The following TENM2 variants were observed in gnomAD, a reference collection of about 807,000 sequenced individuals.
TENM2 encodes teneurin transmembrane protein 2.
In TENM2, 52 loss-of-function variants were observed where a neutral mutation model predicts 245.2. The observed-to-expected ratio is 0.21, with a 90% CI of 0.17 to 0.27. TENM2 has a LOEUF of 0.27. Ranked by LOEUF, TENM2 falls within the 10% of genes least tolerant of loss-of-function variation. The pLI is 1.00. For missense variants in TENM2, 3,046 were observed against 3,666.8 expected, an observed-to-expected ratio of 0.83 and a Z score of 4.37; for synonymous variants, 1,363 against 1,438.9, an observed-to-expected ratio of 0.95 and a Z score of 1.19.
chr5:167,731,047 G>A (rs982889758), intron 2 of TENM2, among the ~76,000 whole-genome samples: 3 of 150,922 alleles, frequency 2.0e-5, no homozygotes, highest in Admixed American at 6.6e-5. Flanking sequence ...GGATTCTTTT[G>A]ATTGAAACAT....
chr5:167,943,506 A>G (rs1779358131), intron 3 of TENM2, among the ~76,000 whole-genome samples: 1 of 152,170 alleles, frequency 6.6e-6, no homozygotes, highest in South Asian at 2.1e-4. Flanking sequence ...GGCTTTTTTA[A>G]AAAAATAGCC....
the TENM2 span, among the ~76,000 whole-genome samples, chr5:167,132,840 G>T: frequency 5.4e-3 from 821 of 152,322 alleles, 9 homozygotes; most frequent in African/African-American, 0.018. Context: ...TTTCAGGCTT[G>T]CTCTGGGCTG....
In TENM2 at chr5:167,849,094, G is replaced by A. The variant is rs934537878; in HGVS notation, c.503-26892G>A. Reference sequence around the variant, plus strand: ...ATAAAATCAAGGTGTCAACATGACAGCATTTCTTCTGGGGACACCATGGGA... The same window carrying A: ...ATAAAATCAAGGTGTCAACATGACAACATTTCTTCTGGGGACACCATGGGA... On this transcript the variant is annotated intron_variant, in intron 2 of 28. Coordinates refer to ENST00000518659, the Ensembl canonical transcript of TENM2. Among the ~76,000 whole-genome samples the A allele has an allele frequency of 3.3e-5, 5 of 152,144 alleles. No individual in the cohort carries two copies. The South Asian group carries it at 1.0e-3, about 32-fold the overall frequency.
chr5:168,041,381 G>T (rs550117681), intron 5 of TENM2, among the ~76,000 whole-genome samples: 6 of 152,096 alleles, frequency 3.9e-5, no homozygotes, highest in Non-Finnish European at 8.8e-5. Context: ...CAAACAAAAG[G>T]CAAAGCTCCT....
chr5:167,223,289 A>C, the TENM2 span, among the ~76,000 whole-genome samples: 4 of 151,922 alleles, frequency 2.6e-5, no homozygotes, highest in African/African-American at 9.7e-5. Context: ...CCTTCTATCA[A>C]CTTGTTTGTT....
intron 3 of TENM2, among the ~76,000 whole-genome samples, chr5:167,904,272 A>T (rs1775922840): frequency 6.6e-6 from 1 of 152,314 alleles, no homozygotes; most frequent in African/African-American, 2.4e-5. Flanking sequence ...TTAGAGGATC[A>T]TCAGAGCTGC....
intron 12 of TENM2, among the ~76,000 whole-genome samples, chr5:168,161,914 A>T (rs1386835152): frequency 6.6e-6 from 1 of 151,728 alleles, no homozygotes; most frequent in African/African-American, 2.4e-5. Context: ...GAGCACATAT[A>T]TTTTTTCTTC....
the TENM2 span, among the ~76,000 whole-genome samples, chr5:167,242,551 G>C: frequency 6.6e-5 from 10 of 152,048 alleles, no homozygotes; most frequent in Non-Finnish European, 1.3e-4. Flanking sequence ...AACCCCTCCT[G>C]TTCCTCTTCT....
the TENM2 span, among the ~76,000 whole-genome samples, chr5:167,270,386 A>C: frequency 1.2e-4 from 19 of 152,234 alleles, no homozygotes; most frequent in East Asian, 3.7e-3. Context: ...TCCGTCACTA[A>C]TTGAGCATCT....
chr5:168,033,615 T>G (rs900080200), intron 5 of TENM2, among the ~76,000 whole-genome samples: 1 of 152,168 alleles, frequency 6.6e-6, no homozygotes, highest in African/African-American at 2.4e-5. Context: ...TTCATTCAAA[T>G]AAATAGTTCT....
chr5:167,519,485 G>A (rs1424032450), intron 2 of TENM2, among the ~76,000 whole-genome samples: 1 of 152,050 alleles, frequency 6.6e-6, no homozygotes, highest in Non-Finnish European at 1.5e-5. Flanking sequence ...TGGTGCTTAT[G>A]CCAAAACCAT....
chr5:167,364,186 A>G (rs762242913), intron 1 of TENM2, among the ~76,000 whole-genome samples: 1 of 152,064 alleles, frequency 6.6e-6, no homozygotes, highest in Admixed American at 6.5e-5. Flanking sequence ...CTTTTTTTAT[A>G]TTAAGAAATC....
chr5:167,212,975 T>G, the TENM2 span, among the ~76,000 whole-genome samples: 1 of 152,170 alleles, frequency 6.6e-6, no homozygotes, highest in Non-Finnish European at 1.5e-5. Context: ...CAAGACAAAG[T>G]GTATATTATG....
the TENM2 span, among the ~76,000 whole-genome samples, chr5:167,100,149 C>T: frequency 7.9e-5 from 12 of 152,286 alleles, no homozygotes; most frequent in African/African-American, 1.9e-4. Flanking sequence ...TGTATGTTTT[C>T]GGCCAAGTTC....
At chr5:167,097,218 T>C in the TENM2 span, among the ~76,000 whole-genome samples, 1 of 152,220 alleles carries the variant, frequency 6.6e-6, no homozygotes, top group Non-Finnish European at 1.5e-5. Flanking sequence ...TTAAAGACGA[T>C]TTGATCGAGT....
At chr5:167,094,269 C>T in the TENM2 span, among the ~76,000 whole-genome samples, 12 of 151,938 alleles carry the variant, frequency 7.9e-5, no homozygotes, top group African/African-American at 2.7e-4. Flanking sequence ...TCTCATGAAA[C>T]CATCATCATA....
At chr5:167,008,942 T>G in the TENM2 span, among the ~76,000 whole-genome samples, 1 of 152,288 alleles carries the variant, frequency 6.6e-6, no homozygotes, top group South Asian at 2.1e-4. Context: ...CTGCAGAATG[T>G]CCCACTTACA....
intron 2 of TENM2, among the ~76,000 whole-genome samples, chr5:167,404,925 C>A (rs535645294): frequency 6.6e-6 from 1 of 152,122 alleles, no homozygotes. Context: ...GAACTCTTAG[C>A]AGTCATTCCC....
intron 2 of TENM2, among the ~76,000 whole-genome samples, chr5:167,456,977 G>C (rs950315787): frequency 2.0e-5 from 3 of 152,204 alleles, no homozygotes; most frequent in Admixed American, 1.3e-4. Flanking sequence ...GAATTTCTCA[G>C]TCCACTCTGC....
Sources: allele counts gnomAD v4.1 joint callset (sites outside exome capture counted in the v4.1 genomes callset), GRCh38; gene constraint gnomAD v4.1.1; transcripts MANE v1.5; gene names NCBI Gene and HGNC (gene_info 2026-07-23, HGNC 2026-07-21).